The following ERC2 variants were observed in gnomAD, a reference collection of about 807,000 sequenced individuals.
ERC2 encodes the protein ELKS/RAB6-interacting/CAST family member 2, also known as ERC protein 2.
ERC2 carries 42 observed loss-of-function variants against 114.8 expected under a neutral mutation model. The observed-to-expected ratio is 0.37, with a 90% CI of 0.29 to 0.47. The LOEUF (loss-of-function observed/expected upper bound fraction) is 0.47, where lower values mean the gene tolerates loss of function less well. ERC2 is among the 20% of genes least tolerant of loss of function. ERC2 has a pLI of 0.99. For missense variants in ERC2, 939 were observed against 1,150.7 expected (o/e 0.82, Z 2.66); for synonymous variants, 454 against 425.5 (o/e 1.07, Z -0.82).
chr3:55,784,480 T>C (rs1158659726), intron 14 of ERC2, among the ~76,000 whole-genome samples: 1 of 152,202 alleles, frequency 6.6e-6, no homozygotes, highest in Non-Finnish European at 1.5e-5. Context: ...AAACCAGTCA[T>C]ATCAACAACA....
chr3:55,692,627 C>G (rs1005877705), intron 16 of ERC2, among the ~76,000 whole-genome samples: 4 of 152,122 alleles, frequency 2.6e-5, no homozygotes, highest in African/African-American at 9.7e-5. Flanking sequence ...CCAACTCTAC[C>G]TTATGGCTCT....
At chr3:56,363,175 A>G (rs1020504875) in intron 2 of ERC2, among the ~76,000 whole-genome samples, 1 of 152,268 alleles carries the variant, frequency 6.6e-6, no homozygotes, top group Admixed American at 6.5e-5. Context: ...GCAATGAGAA[A>G]TAGATTAAAT....
intron 5 of ERC2, among the ~76,000 whole-genome samples, chr3:56,142,627 T>A (rs2080920458): frequency 1.3e-5 from 2 of 152,112 alleles, no homozygotes; most frequent in South Asian, 2.1e-4. Flanking sequence ...TTTCTTATAG[T>A]CTCTTGTTCT....
At chr3:55,941,741 A>T (rs1417866250) in intron 13 of ERC2, among the ~76,000 whole-genome samples, 2 of 152,214 alleles carry the variant, frequency 1.3e-5, no homozygotes, top group Non-Finnish European at 2.9e-5. Context: ...TATGGGTGAC[A>T]TCCTTTCATG....
chr3:56,207,372 A>C (rs2048804768), intron 3 of ERC2, among the ~76,000 whole-genome samples: 1 of 151,922 alleles, frequency 6.6e-6, no homozygotes, highest in Non-Finnish European at 1.5e-5. Context: ...CATTACCTTC[A>C]CTCAGTCTCT....
intron 14 of ERC2, among the ~76,000 whole-genome samples, chr3:55,877,819 G>A (rs2062934226): frequency 6.6e-6 from 1 of 152,050 alleles, no homozygotes; most frequent in South Asian, 2.1e-4. Context: ...GATTTGATGT[G>A]TGATTCCTCT....
intron 13 of ERC2, among the ~76,000 whole-genome samples, chr3:55,900,729 C>T (rs1015199625): frequency 6.6e-6 from 1 of 152,208 alleles, no homozygotes; most frequent in Non-Finnish European, 1.5e-5. Flanking sequence ...ACCCTTGCAT[C>T]CTCCACCTGG....
intron 2 of ERC2, among the ~76,000 whole-genome samples, chr3:56,353,468 T>C (rs923998471): frequency 2.0e-5 from 3 of 151,962 alleles, no homozygotes; most frequent in African/African-American, 7.3e-5. Flanking sequence ...TGGAATACTA[T>C]GCAGCCATAA....
At chr3:55,512,655 C>T (rs969549341) in intron 17 of ERC2, among the ~76,000 whole-genome samples, 13 of 152,156 alleles carry the variant, frequency 8.5e-5, no homozygotes, top group African/African-American at 3.1e-4. Flanking sequence ...TGTCTGATGT[C>T]CTTGATGTTT....
Position 56,434,721 on chromosome 3 carries a change from G to A in ERC2, c.287C>T (p.Thr96Ile), listed in dbSNP as rs748311329. The change falls in exon 2 of 18, where the codon ACA becomes ATA. Residue 96 changes from threonine (T) to isoleucine (I), a missense_variant. Physicochemically the swap from Thr to Ile is moderately conservative, Grantham distance 89. Coordinates refer to ENST00000288221, the MANE Select transcript of ERC2 (RefSeq NM_015576.3). ...AATATTGGGACTACTCCCCATGGCT[G>A]TGACACGGCCTCCATATACAGCTCG... is the stretch of plus-strand genomic sequence containing the variant. ...TNRAVYGGRV[T>I]AMGSSPNIAS... 48 of 1,613,896 alleles carry A rather than the reference G, an allele frequency of 3.0e-5. No homozygotes were observed. The highest frequency in any genetic ancestry group is 9.3e-6 in the Non-Finnish European group (11 of 1,179,914).
intron 14 of ERC2, among the ~76,000 whole-genome samples, chr3:55,876,820 T>C (rs1387741413): frequency 6.6e-6 from 1 of 152,162 alleles, no homozygotes; most frequent in Admixed American, 6.5e-5. Flanking sequence ...CCCTGAGGAT[T>C]TGAATCTGAG....
intron 1 of ERC2, among the ~76,000 whole-genome samples, chr3:56,466,746 A>G (rs1190339757): frequency 6.6e-6 from 1 of 152,238 alleles, no homozygotes; most frequent in Non-Finnish European, 1.5e-5. Flanking sequence ...AAAATACCTT[A>G]TAAATCCATC....
chr3:56,305,107 A>T (rs2056130779), intron 2 of ERC2, among the ~76,000 whole-genome samples: 1 of 152,110 alleles, frequency 6.6e-6, no homozygotes, highest in Non-Finnish European at 1.5e-5. Context: ...TCTATAAATT[A>T]TTAAAAATAA....
chr3:56,435,025 GT>G lies in ERC2; in HGVS notation c.-19del, dbSNP rs780051044. On this transcript the variant is annotated 5_prime_UTR_variant, in exon 2 of 18. Transcript: ENST00000288221. ...CCATACATTTTTCTTGTATTATGAG[GT>G]GTTACTGAAGAGAAGAAATGCTATA... 3.8e-5 allele frequency: 60 copies of G among 1,583,252 alleles called. No homozygotes were observed. Among genetic ancestry groups the G allele is most frequent in the Non-Finnish European group, 4.9e-5 (57 of 1,167,600 alleles).
intron 10 of ERC2, among the ~76,000 whole-genome samples, chr3:55,994,570 T>C (rs776852148): frequency 2.9e-5 from 4 of 136,476 alleles, no homozygotes; most frequent in Non-Finnish European, 4.6e-5. Flanking sequence ...ATAATATGCA[T>C]CCCAGAAATA....
At chr3:56,049,112 T>C (rs769248925) in intron 7 of ERC2, among the ~76,000 whole-genome samples, 1 of 152,086 alleles carries the variant, frequency 6.6e-6, no homozygotes, top group Non-Finnish European at 1.5e-5. Flanking sequence ...ATAGAGGATG[T>C]TGGAGAATGC....
intron 11 of ERC2, among the ~76,000 whole-genome samples, chr3:55,988,939 T>C (rs568959803): frequency 6.6e-6 from 1 of 152,352 alleles, no homozygotes; most frequent in African/African-American, 2.4e-5. Context: ...AGAATACACA[T>C]GTAGCACAGC....
chr3:56,187,796 T>C (rs184852466), intron 3 of ERC2, among the ~76,000 whole-genome samples: 1 of 152,282 alleles, frequency 6.6e-6, no homozygotes, highest in East Asian at 1.9e-4. Context: ...ATAGGATCCA[T>C]ATGAGGTCTG....
Position 55,539,415 on chromosome 3 carries a change from C to CTTTTTTTTTTTTTTTTTTTT in ERC2, c.*40-28159_*40-28140dup, listed in dbSNP as rs58749389. On this transcript the variant is annotated intron_variant, in intron 17 of 17. Transcript: ENST00000288221. ...TCTCTCTCTCTCTCTTTTTTTCTTT[C>CTTTTTTTTTTTTTTTTTTTT]TTTTTTTTTTTTTTTTTTTTTTTTT... Among the ~76,000 whole-genome samples, 134 of 39,112 alleles carry CTTTTTTTTTTTTTTTTTTTT rather than the reference C, an allele frequency of 3.4e-3. 18 individuals carry two copies. The highest frequency in any genetic ancestry group is 4.9e-3 in the South Asian group (3 of 608). The allele number at this position is 39,112 out of a possible 152,430, so 25.7% of individuals were successfully genotyped here. A position where few individuals can be genotyped will look rare whatever the true frequency, so the allele number is the denominator to read the frequency against.
Sources: allele counts gnomAD v4.1 joint callset (sites outside exome capture counted in the v4.1 genomes callset), GRCh38; gene constraint gnomAD v4.1.1; transcripts MANE v1.5; gene names NCBI Gene and HGNC (gene_info 2026-07-23, HGNC 2026-07-21).